MAF: variants seen among roughly 807,000 people sequenced by gnomAD.
MAF encodes the protein transcription factor Maf.
In MAF, 10 loss-of-function variants were observed where a neutral mutation model predicts 22.0. The ratio of observed to expected loss-of-function variants is 0.45; its 90% CI spans 0.28 to 0.77. The LOEUF is 0.77. Ranked by LOEUF, MAF falls within the 30% of genes least tolerant of loss-of-function variation. MAF has a pLI of 0.12. For synonymous variants in MAF, 337 were observed against 255.8 expected (o/e 1.32, Z -3.03); for missense variants, 544 against 548.4 (o/e 0.99, Z 0.08).
chr16:79,217,696 G>C, the MAF span, among the ~76,000 whole-genome samples: 1 of 152,024 alleles, frequency 6.6e-6, no homozygotes, highest in Non-Finnish European at 1.5e-5. Flanking sequence ...CTCTCCCTAA[G>C]TTTCTTTCAA....
chr16:79,213,677 C>T, the MAF span, among the ~76,000 whole-genome samples: 9 of 151,872 alleles, frequency 5.9e-5, no homozygotes, highest in African/African-American at 1.9e-4. Context: ...CTCCCAGAAC[C>T]GGCATCCAGC....
At chr16:79,538,434 G>A in the MAF span, among the ~76,000 whole-genome samples, 4 of 152,196 alleles carry the variant, frequency 2.6e-5, no homozygotes, top group East Asian at 1.9e-4. Flanking sequence ...TTAAATGTCC[G>A]ATATAAAAAC....
At chr16:79,405,363 A>T in the MAF span, among the ~76,000 whole-genome samples, 3 of 152,230 alleles carry the variant, frequency 2.0e-5, no homozygotes, top group Non-Finnish European at 4.4e-5. Context: ...ACAAAGTTTC[A>T]GATGATCTAA....
the MAF span, among the ~76,000 whole-genome samples, chr16:79,317,319 CTT>C: frequency 2.9e-5 from 4 of 140,274 alleles, no homozygotes; most frequent in African/African-American, 1.1e-4. Context: ...ATCTCTCATT[CTT>C]TTGTTTTATT....
the MAF span, among the ~76,000 whole-genome samples, chr16:79,553,576 T>G: frequency 6.6e-6 from 1 of 152,228 alleles, no homozygotes; most frequent in Non-Finnish European, 1.5e-5. Flanking sequence ...TGTGCACTGG[T>G]CTGGCTGAAG....
At chr16:79,437,993 G>T in the MAF span, among the ~76,000 whole-genome samples, 1 of 152,180 alleles carries the variant, frequency 6.6e-6, no homozygotes, top group Non-Finnish European at 1.5e-5. Context: ...CCAGGGCACC[G>T]GGAAGCCGGG....
chr16:79,518,054 C>T, the MAF span, among the ~76,000 whole-genome samples: 1 of 152,336 alleles, frequency 6.6e-6, no homozygotes, highest in African/African-American at 2.4e-5. Flanking sequence ...TTAGCACTCA[C>T]TTGATGCCGG....
the MAF span, among the ~76,000 whole-genome samples, chr16:79,442,396 G>T: frequency 6.6e-6 from 1 of 151,938 alleles, no homozygotes; most frequent in Non-Finnish European, 1.5e-5. Flanking sequence ...TTTAGAAACA[G>T]GCTCTCCCTC....
At chr16:79,376,329 A>G in the MAF span, among the ~76,000 whole-genome samples, 3 of 151,962 alleles carry the variant, frequency 2.0e-5, 1 homozygote, top group East Asian at 5.8e-4. Flanking sequence ...CTTTTCTTCA[A>G]TCTTCTCTGC....
the MAF span, among the ~76,000 whole-genome samples, chr16:79,282,661 TA>T: frequency 1.3e-5 from 2 of 152,226 alleles, no homozygotes; most frequent in African/African-American, 4.8e-5. Context: ...ATTCTCAAAT[TA>T]CTCAGTATCA....
At chr16:79,576,231 T>TAAAAAAA in the MAF span, among the ~76,000 whole-genome samples, 1 of 43,016 alleles carries the variant, frequency 2.3e-5, no homozygotes. Context: ...CCTGTGGTAC[T>TAAAAAAA]AAAAAAAAAA....
chr16:79,408,619 T>TTC, the MAF span, among the ~76,000 whole-genome samples: 2 of 101,754 alleles, frequency 2.0e-5, no homozygotes, highest in East Asian at 5.9e-4. Flanking sequence ...TTCCTTCCTT[T>TTC]CTTCCTTTTT....
chr16:79,315,102 T>C, the MAF span, among the ~76,000 whole-genome samples: 1 of 152,240 alleles, frequency 6.6e-6, no homozygotes, highest in Admixed American at 6.5e-5. Flanking sequence ...CATTATTTCA[T>C]TTATTCATTC....
chr16:79,418,015 G>C, the MAF span, among the ~76,000 whole-genome samples: 2 of 152,232 alleles, frequency 1.3e-5, no homozygotes, highest in South Asian at 2.1e-4. Context: ...TTGTGCAAGA[G>C]GCAACAGATA....
the MAF span, among the ~76,000 whole-genome samples, chr16:79,518,198 C>T: frequency 3.3e-5 from 5 of 152,178 alleles, no homozygotes; most frequent in African/African-American, 4.8e-5. Flanking sequence ...CCCAATGTCA[C>T]ATTGCTAGAA....
the MAF span, among the ~76,000 whole-genome samples, chr16:79,434,216 A>C: frequency 2.0e-5 from 3 of 152,240 alleles, no homozygotes; most frequent in Non-Finnish European, 4.4e-5. Flanking sequence ...ACTGCAGTGA[A>C]GGTTAAATAA....
At chr16:79,266,453 T>C in the MAF span, among the ~76,000 whole-genome samples, 1 of 151,972 alleles carries the variant, frequency 6.6e-6, no homozygotes, top group Non-Finnish European at 1.5e-5. Flanking sequence ...AATAAGAGCA[T>C]CTCTGGCTGT....
the MAF span, among the ~76,000 whole-genome samples, chr16:79,489,877 C>A: frequency 6.6e-6 from 1 of 152,074 alleles, no homozygotes; most frequent in Non-Finnish European, 1.5e-5. Flanking sequence ...TGGAAAGAGA[C>A]AAGGGTGGTC....
the MAF span, among the ~76,000 whole-genome samples, chr16:79,214,180 C>G: frequency 6.6e-5 from 10 of 152,238 alleles, no homozygotes; most frequent in South Asian, 2.1e-3. Context: ...TTCTCCACAA[C>G]ACTTAATATT....
Sources: gnomAD v4.1 joint callset for allele counts (sites outside exome capture counted in the v4.1 genomes callset) on GRCh38, gnomAD v4.1.1 for gene constraint, MANE v1.5 for transcripts, NCBI Gene and HGNC (gene_info 2026-07-23, HGNC 2026-07-21) for gene names.